Variants in MRE11 observed in about 807,000 individuals in gnomAD.
MRE11 encodes the protein MRE11 double strand break repair nuclease.
MRE11 carries 62 observed loss-of-function variants against 91.7 expected under a neutral mutation model. The observed-to-expected ratio is 0.68, with a 90% CI of 0.55 to 0.84. MRE11 has a LOEUF of 0.84. Ranked by LOEUF, MRE11 falls within the 40% of genes least tolerant of loss-of-function variation. The pLI, the probability that MRE11 is intolerant of heterozygous loss-of-function variation, is 0.00. For missense variants in MRE11, 796 were observed against 852.9 expected (o/e 0.93, Z 0.83); for synonymous variants, 273 against 271.4 (o/e 1.01, Z -0.06).
Position 94,420,026 on chromosome 11 carries a change from C to T in MRE11, c.*99G>A. The T allele has an allele frequency of 1.0e-6, 1 of 967,268 alleles. No individual in the cohort carries two copies. 59.9% of individuals were successfully genotyped at this position (967,268 alleles called of 1,614,324 possible). A position where few individuals can be genotyped will look rare whatever the true frequency, so the allele number is the denominator to read the frequency against. On this transcript the variant is annotated 3_prime_UTR_variant, in exon 20 of 20. Transcript: ENST00000323929. Reference sequence around the variant, plus strand: ...GAAATTTCTTACTTATGGAGTTATGCTCAGGAAACAATACTTAAAATCTTA... The same window carrying T: ...GAAATTTCTTACTTATGGAGTTATGTTCAGGAAACAATACTTAAAATCTTA...
intron 12 of MRE11, among the ~76,000 whole-genome samples, chr11:94,460,247 T>C (rs1424881454): frequency 2.0e-5 from 3 of 152,232 alleles, no homozygotes; most frequent in African/African-American, 7.2e-5. Flanking sequence ...ATTTCTGACC[T>C]ACACGACTGT....
the MRE11 span, among the ~76,000 whole-genome samples, chr11:94,506,967 CA>C: frequency 6.6e-5 from 10 of 151,994 alleles, no homozygotes; most frequent in Non-Finnish European, 8.8e-5. Flanking sequence ...TATTTTTAGA[CA>C]TTTTTTTCTA....
Position 94,479,730 on chromosome 11 carries a change from G to A in MRE11, c.346C>T (p.Leu116Phe), listed in dbSNP as rs767598349. 6 of 1,612,870 alleles carry A rather than the reference G, an allele frequency of 3.7e-6. No individual in the cohort carries two copies. Among genetic ancestry groups the A allele is most frequent in the Non-Finnish European group, 5.1e-6 (6 of 1,179,722 alleles). ...FPWVNYQDGNLNISIPVFSIH... is the reference protein window; with the variant it reads ...FPWVNYQDGNFNISIPVFSIH... ...CTAAACACTGGAATTGAAATGTTGAGGTTGCCATCTTGATAGTTCACCCAT... is the reference window on the plus strand; with the variant it reads ...CTAAACACTGGAATTGAAATGTTGAAGTTGCCATCTTGATAGTTCACCCAT... Residue 116 changes from leucine to phenylalanine, a missense_variant, in exon 5 of 20, where the codon CTC becomes TTC. Transcript: ENST00000323929.
chr11:94,457,065 A>G (rs2134974498), intron 13 of MRE11, among the ~76,000 whole-genome samples: 1 of 152,324 alleles, frequency 6.6e-6, no homozygotes, highest in East Asian at 1.9e-4. Context: ...GATATGGGAG[A>G]GGGAACAGCA....
intron 19 of MRE11, among the ~76,000 whole-genome samples, chr11:94,426,552 T>G (rs1945323539): frequency 6.6e-6 from 1 of 150,636 alleles, no homozygotes. Flanking sequence ...AGAAAAGAAA[T>G]AAATTAGAGA....
the MRE11 span, among the ~76,000 whole-genome samples, chr11:94,503,589 C>T: frequency 6.6e-6 from 1 of 151,750 alleles, no homozygotes; most frequent in Admixed American, 6.6e-5. Context: ...ACTCGGGAGG[C>T]TGAGGCAGGA....
In MRE11 at chr11:94,419,459, G is replaced by GGGGGA. The variant is rs1253158974; in HGVS notation, c.*665_*666insTCCCC. On this transcript the variant is annotated 3_prime_UTR_variant, in exon 20 of 20. Transcript: ENST00000323929. Reference sequence around the variant, plus strand: ...AGAAAGGAAGAGTGGGGAACGGGGGGGAGAGGGAGAGAGAGAGAGAGAGAG... The same window carrying GGGGGA: ...AGAAAGGAAGAGTGGGGAACGGGGGGGGGGAGAGAGGGAGAGAGAGAGAGAGAGAG... The GGGGGA allele has an allele frequency of 5.4e-6, 1 of 183,512 alleles. No individual in the cohort carries two copies. The highest frequency in any genetic ancestry group is 7.1e-5 in the East Asian group (1 of 14,008). 11.4% of individuals were successfully genotyped at this position (183,512 alleles called of 1,614,324 possible).
At chr11:94,454,262 T>TG (rs908842237) in intron 14 of MRE11, among the ~76,000 whole-genome samples, 6 of 151,266 alleles carry the variant, frequency 4.0e-5, no homozygotes, top group Non-Finnish European at 7.4e-5. Flanking sequence ...TTTGTAGAGA[T>TG]GGGGTTTTGC....
chr11:94,503,727 C>T, the MRE11 span, among the ~76,000 whole-genome samples: 1 of 142,642 alleles, frequency 7.0e-6, no homozygotes, highest in South Asian at 2.2e-4. Flanking sequence ...ACGTTAAAAT[C>T]GGGATTTTTA....
chr11:94,500,772 T>G, the MRE11 span, among the ~76,000 whole-genome samples: 1 of 152,170 alleles, frequency 6.6e-6, no homozygotes, highest in African/African-American at 2.4e-5. Flanking sequence ...GTGGTGGGAT[T>G]TAGAGTCTTT....
chr11:94,443,157 G>C (rs1013182135), intron 16 of MRE11, among the ~76,000 whole-genome samples: 1 of 152,140 alleles, frequency 6.6e-6, no homozygotes, highest in Non-Finnish European at 1.5e-5. Flanking sequence ...TTACTTCCAA[G>C]GCAAATTAGT....
upstream of MRE11, chr11:94,498,240 C>T (rs1250295325): frequency 6.8e-6 from 11 of 1,614,028 alleles, no homozygotes; most frequent in Admixed American, 1.7e-5. Context: ...GATGGCTGGA[C>T]GCCCCTGCAC....
chr11:94,506,585 C>CTTTTTTTTTTTTTTT, the MRE11 span, among the ~76,000 whole-genome samples: 1 of 147,186 alleles, frequency 6.8e-6, no homozygotes, highest in African/African-American at 2.6e-5. Context: ...ACAGTAATTG[C>CTTTTTTTTTTTTTTT]TTTTTTTGTT....
At chr11:94,462,708 G>C (rs1173661986) in intron 11 of MRE11, among the ~76,000 whole-genome samples, 4 of 152,166 alleles carry the variant, frequency 2.6e-5, no homozygotes, top group African/African-American at 9.7e-5. Context: ...AAATGGTGCT[G>C]GGAAAACTGG....
At chr11:94,490,535 G>C (rs1947257891) in intron 3 of MRE11, among the ~76,000 whole-genome samples, 1 of 152,192 alleles carries the variant, frequency 6.6e-6, no homozygotes, top group Non-Finnish European at 1.5e-5. Context: ...TACGTTATCT[G>C]AAAGCAGAAG....
chr11:94,423,628 C>G (rs544866324), intron 19 of MRE11, among the ~76,000 whole-genome samples: 6 of 152,374 alleles, frequency 3.9e-5, no homozygotes, highest in African/African-American at 1.4e-4. Flanking sequence ...CCCTGCCAAG[C>G]TGCCCTGCAG....
At chr11:94,429,687 T>C (rs908701041) in intron 19 of MRE11, among the ~76,000 whole-genome samples, 2 of 152,106 alleles carry the variant, frequency 1.3e-5, no homozygotes, top group Non-Finnish European at 2.9e-5. Flanking sequence ...GAGAGTAGGA[T>C]GTGTGTTGGA....
At chr11:94,429,790 C>G (rs1945413713) in intron 19 of MRE11, 121 bp downstream of exon 19, 1 of 853,388 alleles carries the variant, frequency 1.2e-6, no homozygotes, top group Non-Finnish European at 1.8e-6. Context: ...CATGTACTCC[C>G]TGAACATAAA....
At position 94,437,383 on chromosome 11, in the gene MRE11, C is replaced by A. The variant is rs547774846; in HGVS notation, c.1868-148G>T. On this transcript the variant is annotated intron_variant, in intron 16 of 19. Coordinates refer to ENST00000323929, the MANE Select transcript of MRE11 (RefSeq NM_005591.4). ...AAAACTATTTGATATTTTTAAAAAT[C>A]TAAAGGGAGATAGAATTATAGGTAC... 3.1e-3 allele frequency: 2,109 copies of A among 688,644 alleles called. 12 individuals are homozygous for A. Among genetic ancestry groups the A allele is most frequent in the Non-Finnish European group, 4.2e-3 (1,767 of 421,460 alleles). The allele number at this position is 688,644 out of a possible 1,614,324, so 42.7% of individuals were successfully genotyped here.
Sources: gnomAD v4.1 joint callset for allele counts (sites outside exome capture counted in the v4.1 genomes callset) on GRCh38, gnomAD v4.1.1 for gene constraint, MANE v1.5 for transcripts, NCBI Gene and HGNC (gene_info 2026-07-23, HGNC 2026-07-21) for gene names.